Variants in SKA3 observed in about 807,000 individuals in gnomAD.
SKA3 encodes spindle and kinetochore associated complex subunit 3, also known as spindle and kinetochore-associated protein 3.
In SKA3, 39 loss-of-function variants were observed where a neutral mutation model predicts 44.2. The ratio of observed to expected loss-of-function variants is 0.88; its 90% CI spans 0.68 to 1.15. SKA3 has a LOEUF of 1.15. Among genes scored for constraint, SKA3 ranks in the 50% most tolerant of loss-of-function variants. The probability of loss-of-function intolerance (pLI) is 0.00; values close to 1 mark genes in which losing one functional copy is unlikely to be tolerated. For synonymous variants in SKA3, 192 were observed against 172.0 expected, an observed-to-expected ratio of 1.12 and a Z score of -0.91; for missense variants, 511 against 485.8, an observed-to-expected ratio of 1.05 and a Z score of -0.49.
Position 21,155,071 on chromosome 13 carries a change from A to C in SKA3, c.*79T>G, listed in dbSNP as rs1413349517. The C allele has an allele frequency of 3.1e-6, 5 of 1,601,418 alleles. No individual in the cohort carries two copies. The highest frequency in any genetic ancestry group is 4.3e-6 in the Non-Finnish European group (5 of 1,172,144). ...TTTAAAGGGGGACAGAGGCAGGGCA[A>C]TGTGAATGTTAAAATCGGTCCAGCT... On this transcript the variant is annotated 3_prime_UTR_variant, in exon 9 of 9. Coordinates refer to ENST00000314759, the MANE Select transcript of SKA3 (RefSeq NM_145061.6).
chr13:21,158,665 A>G (rs1051146141), intron 6 of SKA3, among the ~76,000 whole-genome samples: 1 of 152,158 alleles, frequency 6.6e-6, no homozygotes, highest in Non-Finnish European at 1.5e-5. Flanking sequence ...GCTTAATGTC[A>G]TAACTATATA....
chr13:21,156,545 G>C (rs1870129103), intron 7 of SKA3, among the ~76,000 whole-genome samples: 1 of 152,168 alleles, frequency 6.6e-6, no homozygotes, highest in Admixed American at 6.5e-5. Context: ...CCATAGGGAA[G>C]TGGAAACTAT....
chr13:21,172,540 T>C, intron 2 of SKA3, 36 bp from the exon 3 acceptor site: 1 of 1,226,144 alleles, frequency 8.2e-7, no homozygotes, highest in Middle Eastern at 2.1e-4. Flanking sequence ...TTAATTTCTC[T>C]AACTTCTGAC....
At chr13:21,175,794 C>A (rs1871471693) in intron 1 of SKA3, among the ~76,000 whole-genome samples, 1 of 152,136 alleles carries the variant, frequency 6.6e-6, no homozygotes, top group South Asian at 2.1e-4. Context: ...AACCCCAGCA[C>A]TGTTGAGTAC....
At chr13:21,158,803 G>A (rs534731072) in intron 6 of SKA3, among the ~76,000 whole-genome samples, 55 of 152,286 alleles carry the variant, frequency 3.6e-4, no homozygotes, top group Non-Finnish European at 6.5e-4. Context: ...GCAGATCAGA[G>A]GTAAGTTTAG....
Position 21,155,810 on chromosome 13 carries a change from A to T in SKA3, c.1121T>A (p.Leu374His). The T allele has an allele frequency of 7.4e-7, 1 of 1,353,544 alleles. No homozygotes were observed. The highest frequency in any genetic ancestry group is 1.0e-6 in the Non-Finnish European group (1 of 995,600). 83.8% of individuals were successfully genotyped at this position (1,353,544 alleles called of 1,614,324 possible). ...VTKIPEDILQ[L>H]LSKYNSNLAT... ...TAGGTTTGAGTTGTATTTTGATAAA[A>T]GCTAAAAAAAAAAAAGGAAATTCCT... The change falls in exon 8 of 9, where the codon CTT becomes CAT. Residue 374 changes from leucine (L) to histidine (H), a missense_variant and splice_region_variant. Transcript: ENST00000314759.
chr13:21,176,551 T>C lies in SKA3; in HGVS notation c.-74A>G. ...CAGCTCACAGCCTCCCGCCACTAGT[T>C]TGAATCTCGGCGCCGGACGCGTCCT... On this transcript the variant is annotated 5_prime_UTR_variant, in exon 1 of 9. Transcript: ENST00000314759. 1 of 996,790 alleles carries C rather than the reference T, an allele frequency of 1.0e-6. No individual in the cohort carries two copies. The allele number at this position is 996,790 out of a possible 1,614,324, so 61.7% of individuals were successfully genotyped here.
At chr13:21,171,552 G>A (rs1351189278) in intron 3 of SKA3, among the ~76,000 whole-genome samples, 1 of 149,168 alleles carries the variant, frequency 6.7e-6, no homozygotes, top group African/African-American at 2.5e-5. Flanking sequence ...ACGACTGAGC[G>A]AGACTCCATC....
intron 4 of SKA3, among the ~76,000 whole-genome samples, chr13:21,165,893 C>T (rs1202910070): frequency 6.6e-6 from 1 of 152,024 alleles, no homozygotes; most frequent in East Asian, 1.9e-4. Context: ...TGAGATTGCC[C>T]CAGTGCACTC....
intron 1 of SKA3, among the ~76,000 whole-genome samples, chr13:21,173,707 T>C (rs1268685625): frequency 2.0e-5 from 3 of 152,254 alleles, no homozygotes; most frequent in Non-Finnish European, 4.4e-5. Context: ...TGTTCATTAT[T>C]GTGTAGCATT....
At position 21,168,257 on chromosome 13, in the gene SKA3, A is replaced by C; in HGVS notation, c.474T>G (p.Leu158=). The C allele has an allele frequency of 1.2e-6, 2 of 1,614,194 alleles. No homozygotes were observed. Among genetic ancestry groups the C allele is most frequent in the Non-Finnish European group, 1.7e-6 (2 of 1,180,042 alleles). ...ISEKSPRSPQ[L]SDFGLERYIV... is the part of the protein sequence containing the mutation. ...TGTACCGCTCAAGTCCAAAATCTGA[A>C]AGTTGTGGACTACGTGGAGACTTCT... The change falls in exon 4 of 9, where the codon CTT becomes CTG. Residue 158 remains leucine, a synonymous_variant. Coordinates refer to ENST00000314759, the MANE Select transcript of SKA3 (RefSeq NM_145061.6).
At chr13:21,176,021 T>G (rs942123523) in intron 1 of SKA3, among the ~76,000 whole-genome samples, 3 of 152,204 alleles carry the variant, frequency 2.0e-5, no homozygotes, top group African/African-American at 7.2e-5. Context: ...TATAAATTAG[T>G]ATATGTATTA....
At chr13:21,173,770 G>C (rs1871232587) in intron 1 of SKA3, among the ~76,000 whole-genome samples, 1 of 152,104 alleles carries the variant, frequency 6.6e-6, no homozygotes, top group African/African-American at 2.4e-5. Flanking sequence ...ACTTTGGATT[G>C]TGCCTAGTTT....
At position 21,153,732 on chromosome 13, in the gene SKA3, T is replaced by G. The variant is rs1248886131; in HGVS notation, c.*1418A>C. 6.6e-6 allele frequency: 1 copy of G among 152,300 alleles called. No homozygotes were observed. The highest frequency in any genetic ancestry group is 1.5e-5 in the Non-Finnish European group (1 of 68,092). 9.4% of individuals were successfully genotyped at this position (152,300 alleles called of 1,614,324 possible). On this transcript the variant is annotated 3_prime_UTR_variant, in exon 9 of 9. Transcript: ENST00000314759. ...CTCTGCCCCTTTCCATCCTCTAAAG[T>G]TGGGAGAACTCCAGGATTTGGTCCT...
At chr13:21,156,185 T>A (rs1471596875) in intron 7 of SKA3, among the ~76,000 whole-genome samples, 16 of 128,852 alleles carry the variant, frequency 1.2e-4, no homozygotes, top group South Asian at 2.6e-4. Context: ...AGACTTGGTC[T>A]AAAAAAAAAA....
chr13:21,161,266 T>C (rs1184518714), intron 5 of SKA3, among the ~76,000 whole-genome samples: 1 of 152,148 alleles, frequency 6.6e-6, no homozygotes, highest in Admixed American at 6.6e-5. Flanking sequence ...TGAGACCCTG[T>C]CTCAAAGAAA....
intron 1 of SKA3, 108 bp downstream of exon 1, chr13:21,176,267 C>T (rs1871513943): frequency 4.5e-6 from 4 of 879,200 alleles, no homozygotes; most frequent in Admixed American, 7.2e-5. Flanking sequence ...GGCAGCCGTC[C>T]ACGCCGTCAG....
chr13:21,157,738 C>T (rs181364725), intron 7 of SKA3, among the ~76,000 whole-genome samples, 184 bp downstream of exon 7: 6 of 152,220 alleles, frequency 3.9e-5, no homozygotes, highest in African/African-American at 1.4e-4. Context: ...ACATGGAAAC[C>T]ACAGTTGAAC....
At chr13:21,171,869 C>A (rs1034828458) in intron 3 of SKA3, among the ~76,000 whole-genome samples, 1 of 152,116 alleles carries the variant, frequency 6.6e-6, no homozygotes, top group South Asian at 2.1e-4. Context: ...TGATAGAATG[C>A]CCTTCATTAA....
Sources: allele counts gnomAD v4.1 joint callset (sites outside exome capture counted in the v4.1 genomes callset), GRCh38; gene constraint gnomAD v4.1.1; transcripts MANE v1.5; gene names NCBI Gene and HGNC (gene_info 2026-07-23, HGNC 2026-07-21).